The following SMIM14 variants were observed in gnomAD, a reference collection of about 807,000 sequenced individuals.
SMIM14 encodes small integral membrane protein 14, also known as chromosome 4 open reading frame 34.
In SMIM14, 5 loss-of-function variants were observed where a neutral mutation model predicts 12.6. That is an observed-to-expected ratio of 0.40 (90% CI 0.21 to 0.83). SMIM14 has a LOEUF of 0.83. Ranked by LOEUF, SMIM14 falls within the 40% of genes least tolerant of loss-of-function variation. The probability of loss-of-function intolerance (pLI) is 0.37; values close to 1 mark genes in which losing one functional copy is unlikely to be tolerated. For synonymous variants in SMIM14, 30 were observed against 40.1 expected (o/e 0.75, Z 0.95); for missense variants, 86 against 119.1 (o/e 0.72, Z 1.29).
At chr4:39,624,174 A>G (rs1174857173) in intron 1 of SMIM14, among the ~76,000 whole-genome samples, 3 of 152,296 alleles carry the variant, frequency 2.0e-5, no homozygotes, top group Admixed American at 6.5e-5. Context: ...TTTACAAAAT[A>G]CTCAAAACTG....
intron 2 of SMIM14, among the ~76,000 whole-genome samples, chr4:39,597,961 C>T (rs924711690): frequency 6.6e-6 from 1 of 152,194 alleles, no homozygotes; most frequent in Non-Finnish European, 1.5e-5. Flanking sequence ...CATTACAAGA[C>T]TTTATATCAT....
chr4:39,615,194 C>T lies in SMIM14; in HGVS notation c.-35-10014G>A, dbSNP rs576688522. ...AAGTGATCCTCCCACCTTGGCCTCCCGAAGTGTTGGGATTACAGGCGTGAG... is the reference window on the plus strand; with the variant it reads ...AAGTGATCCTCCCACCTTGGCCTCCTGAAGTGTTGGGATTACAGGCGTGAG... On this transcript the variant is annotated intron_variant, in intron 1 of 4. Transcript: ENST00000295958. 1.1e-4 allele frequency among the ~76,000 whole-genome samples: 16 copies of T among 152,166 alleles called. No individual in the cohort carries two copies. In the South Asian group the frequency reaches 2.1e-3, roughly 20 times the overall value.
Position 39,556,509 on chromosome 4 carries a change from A to C in SMIM14, c.186T>G (p.Val62=). The C allele has an allele frequency of 6.2e-7, 1 of 1,614,016 alleles. No homozygotes were observed. Among genetic ancestry groups the C allele is most frequent in the Non-Finnish European group, 8.5e-7 (1 of 1,179,984 alleles). Residue 62 remains valine, a synonymous_variant, in exon 4 of 5, where the codon GTT becomes GTG. Coordinates refer to ENST00000295958, the MANE Select transcript of SMIM14 (RefSeq NM_174921.3). Reference sequence around the variant, plus strand: ...TCAGTAAGAACAAGATCAATGCAATAACCATCCAGGCTACCAAGATCATTG... The same window carrying C: ...TCAGTAAGAACAAGATCAATGCAATCACCATCCAGGCTACCAAGATCATTG... ...SVTMILVAWM[V]IALILFLLRP...
chr4:39,605,535 A>G (rs2110058647), intron 1 of SMIM14, among the ~76,000 whole-genome samples: 1 of 152,302 alleles, frequency 6.6e-6, no homozygotes, highest in South Asian at 2.1e-4. Context: ...CCTCACCAAG[A>G]AAGACATCTG....
intron 1 of SMIM14, among the ~76,000 whole-genome samples, chr4:39,624,402 A>G (rs758751406): frequency 4.6e-5 from 7 of 152,212 alleles, no homozygotes; most frequent in East Asian, 1.9e-4. Flanking sequence ...AGGAAGTCAC[A>G]TTGTAAAATC....
intron 3 of SMIM14, among the ~76,000 whole-genome samples, chr4:39,569,199 C>T (rs1053931952): frequency 6.6e-6 from 1 of 152,170 alleles, no homozygotes; most frequent in African/African-American, 2.4e-5. Context: ...ATTGTCCTAA[C>T]AATGCACATT....
chr4:39,583,015 C>A (rs1713598050), intron 2 of SMIM14, among the ~76,000 whole-genome samples: 1 of 152,060 alleles, frequency 6.6e-6, no homozygotes, highest in Non-Finnish European at 1.5e-5. Context: ...TGGTTTTGAA[C>A]TCCTGATCTC....
At chr4:39,631,653 C>T (rs370714047) in intron 1 of SMIM14, among the ~76,000 whole-genome samples, 61 of 115,004 alleles carry the variant, frequency 5.3e-4, no homozygotes, top group African/African-American at 1.6e-3. Flanking sequence ...AGCGAGACTC[C>T]GTCTCAAAAA....
At chr4:39,588,366 A>AC (rs1164408455) in intron 2 of SMIM14, among the ~76,000 whole-genome samples, 1 of 152,082 alleles carries the variant, frequency 6.6e-6, no homozygotes, top group Admixed American at 6.6e-5. Context: ...AAATAGAGAG[A>AC]CCCCATCTCT....
At chr4:39,623,560 C>A (rs1024150186) in intron 1 of SMIM14, among the ~76,000 whole-genome samples, 33 of 152,052 alleles carry the variant, frequency 2.2e-4, no homozygotes, top group African/African-American at 7.2e-4. Flanking sequence ...TATCATAATT[C>A]TTTCCATGTT....
intron 1 of SMIM14, among the ~76,000 whole-genome samples, chr4:39,606,099 A>C (rs1714793384): frequency 6.6e-6 from 1 of 152,142 alleles, no homozygotes; most frequent in South Asian, 2.1e-4. Context: ...TAATCCCAGC[A>C]CTTTGGGAGG....
chr4:39,573,927 AAAG>A (rs1204955275), intron 2 of SMIM14, among the ~76,000 whole-genome samples: 1 of 152,138 alleles, frequency 6.6e-6, no homozygotes, highest in Non-Finnish European at 1.5e-5. Flanking sequence ...GAAAGTTAAA[AAAG>A]AAAAGTCCCA....
At chr4:39,595,958 A>G (rs1383337452) in intron 2 of SMIM14, among the ~76,000 whole-genome samples, 1 of 152,050 alleles carries the variant, frequency 6.6e-6, no homozygotes, top group Non-Finnish European at 1.5e-5. Context: ...GGTGCTTAGA[A>G]GTTTTATTTT....
At chr4:39,609,545 G>A (rs1277175188) in intron 1 of SMIM14, among the ~76,000 whole-genome samples, 3 of 152,152 alleles carry the variant, frequency 2.0e-5, no homozygotes, top group Non-Finnish European at 1.5e-5. Context: ...GGTCCTTTAT[G>A]AGTAAGAGTA....
intron 2 of SMIM14, among the ~76,000 whole-genome samples, chr4:39,577,537 C>T (rs1713269093): frequency 6.6e-6 from 1 of 151,656 alleles, no homozygotes; most frequent in Admixed American, 6.6e-5. Context: ...AAGTGATTCT[C>T]CTGCCTCAGC....
intron 1 of SMIM14, among the ~76,000 whole-genome samples, chr4:39,615,990 T>C (rs1267481823): frequency 6.6e-6 from 1 of 152,226 alleles, no homozygotes; most frequent in Non-Finnish European, 1.5e-5. Flanking sequence ...CAATGAAACA[T>C]ACTATGTAGT....
rs1283325711 is a variant in SMIM14 at position 39,547,905 on chromosome 4, C to A, written c.*4221G>T. On this transcript the variant is annotated 3_prime_UTR_variant, in exon 5 of 5. Transcript: ENST00000295958. ...ATAACATGAAAAAAATGAAAAACAT[C>A]TTTTTTTTTTTTTTTTTGAGACGGA... The A allele has an allele frequency of 7.2e-6, 1 of 137,972 alleles. No homozygotes were observed. The highest frequency in any genetic ancestry group is 1.6e-5 in the Non-Finnish European group (1 of 64,390). The allele number at this position is 137,972 out of a possible 1,614,324, so 8.5% of individuals were successfully genotyped here.
intron 2 of SMIM14, among the ~76,000 whole-genome samples, chr4:39,584,268 G>A (rs1713663283): frequency 6.6e-6 from 1 of 151,648 alleles, no homozygotes; most frequent in African/African-American, 2.4e-5. Context: ...GATCAGTTGA[G>A]GTCAGAAGTT....
chr4:39,571,976 G>C (rs1309875511), intron 3 of SMIM14, among the ~76,000 whole-genome samples: 1 of 151,658 alleles, frequency 6.6e-6, no homozygotes, highest in Non-Finnish European at 1.5e-5. Context: ...ACTAATTTTT[G>C]TATTTTTTGT....
Sources: gnomAD v4.1 joint callset for allele counts (sites outside exome capture counted in the v4.1 genomes callset) on GRCh38, gnomAD v4.1.1 for gene constraint, MANE v1.5 for transcripts, NCBI Gene and HGNC (gene_info 2026-07-23, HGNC 2026-07-21) for gene names.